PLXNA4: variants seen among roughly 807,000 people sequenced by gnomAD.
PLXNA4 encodes the protein plexin A4.
Under a neutral mutation model 191.8 loss-of-function variants are expected in PLXNA4, and 44 were observed. That is an observed-to-expected ratio of 0.23 (90% CI 0.18 to 0.29). PLXNA4 has a LOEUF of 0.29. PLXNA4 is among the 10% of genes least tolerant of loss of function. The pLI, the probability that PLXNA4 is intolerant of heterozygous loss-of-function variation, is 1.00. For missense variants in PLXNA4, 1,800 were observed against 2,488.8 expected, an observed-to-expected ratio of 0.72 and a Z score of 5.89; for synonymous variants, 1,082 against 1,009.5, an observed-to-expected ratio of 1.07 and a Z score of -1.36.
chr7:132,279,648 A>G (rs1367482871), intron 4 of PLXNA4, among the ~76,000 whole-genome samples: 2 of 152,054 alleles, frequency 1.3e-5, no homozygotes, highest in South Asian at 2.1e-4. Flanking sequence ...GAAGAAAAAA[A>G]AGAGAGAAAA....
chr7:132,272,647 G>C (rs1286618662), intron 4 of PLXNA4, among the ~76,000 whole-genome samples: 4 of 152,102 alleles, frequency 2.6e-5, no homozygotes, highest in Non-Finnish European at 5.9e-5. Flanking sequence ...TACAATTGTT[G>C]CCCAACTCTT....
intron 3 of PLXNA4, among the ~76,000 whole-genome samples, chr7:132,423,312 C>A (rs1319529256): frequency 6.6e-6 from 1 of 152,210 alleles, no homozygotes; most frequent in East Asian, 1.9e-4. Flanking sequence ...CCCAACCTGC[C>A]AAAGCTTACG....
intron 4 of PLXNA4, among the ~76,000 whole-genome samples, chr7:132,259,642 A>G (rs930785196): frequency 6.6e-6 from 1 of 152,034 alleles, no homozygotes; most frequent in South Asian, 2.1e-4. Flanking sequence ...GGGGCGGTCC[A>G]TCCACTACCC....
rs1350364775 is a variant in PLXNA4 at position 132,220,778 on chromosome 7, C to T, written c.2097+2749G>A. ...TTCTTCTAAAGGGATCTCTGCATTG[C>T]CCTGGGACACATGGTGGGCTCTTAT... On this transcript the variant is annotated intron_variant, in intron 9 of 31. Coordinates refer to ENST00000321063, the MANE Select transcript of PLXNA4 (RefSeq NM_020911.2). Among the ~76,000 whole-genome samples the T allele has an allele frequency of 3.3e-5, 5 of 151,222 alleles. No homozygotes were observed. The East Asian group carries it at 9.7e-4, about 29-fold the overall frequency.
At chr7:132,609,492 T>C (rs964274297) in intron 2 of PLXNA4, among the ~76,000 whole-genome samples, 2 of 152,170 alleles carry the variant, frequency 1.3e-5, no homozygotes, top group African/African-American at 4.8e-5. Flanking sequence ...CTTAGTCCCT[T>C]CCACCACCCT....
At chr7:132,342,138 A>G (rs571762506) in intron 3 of PLXNA4, among the ~76,000 whole-genome samples, 7 of 151,690 alleles carry the variant, frequency 4.6e-5, no homozygotes, top group Middle Eastern at 6.8e-3. Flanking sequence ...TCTGTCTCTT[A>G]CTATTCTTCC....
chr7:132,181,522 C>T lies in PLXNA4; in HGVS notation c.3351G>A (p.Glu1117=), dbSNP rs1194852432. 6.2e-7 allele frequency: 1 copy of T among 1,614,194 alleles called. No homozygotes were observed. Among genetic ancestry groups the T allele is most frequent in the South Asian group, 1.1e-5 (1 of 91,076 alleles). The change falls in exon 18 of 32, where the codon GAG becomes GAA. Residue 1117 remains glutamate (E), a synonymous_variant. Coordinates refer to ENST00000321063, the MANE Select transcript of PLXNA4 (RefSeq NM_020911.2). ...HQSDLTERPE[E]FGFILDNVQS... ...GGACGTTGTCCAGGATGAAGCCAAA[C>T]TCCTCGGGCCTCTCGGTCAGGTCTG...
At chr7:132,397,376 G>A (rs564104954) in intron 3 of PLXNA4, among the ~76,000 whole-genome samples, 21 of 152,344 alleles carry the variant, frequency 1.4e-4, no homozygotes, top group Non-Finnish European at 2.5e-4. Context: ...ACTGAGATGC[G>A]TCTTTGATGA....
intron 2 of PLXNA4, among the ~76,000 whole-genome samples, chr7:132,493,166 G>A (rs1363653760): frequency 6.6e-6 from 1 of 152,148 alleles, no homozygotes; most frequent in African/African-American, 2.4e-5. Context: ...CTGGGTGATG[G>A]GGGAAGAGAA....
intron 1 of PLXNA4, among the ~76,000 whole-genome samples, chr7:132,512,770 G>A (rs1798777892): frequency 1.3e-5 from 2 of 152,230 alleles, no homozygotes; most frequent in South Asian, 4.2e-4. Flanking sequence ...GTTTCCAGGG[G>A]GGTTTCCCTT....
intron 18 of PLXNA4, 102 bp from the exon 19 acceptor site, chr7:132,180,834 G>A (rs1796680056): frequency 6.6e-7 from 1 of 1,512,246 alleles, no homozygotes; most frequent in Admixed American, 2.1e-5. Context: ...CCGCTGGTGA[G>A]CTGGTGAAGA....
chr7:132,261,098 T>C (rs950482989), intron 4 of PLXNA4, among the ~76,000 whole-genome samples: 9 of 152,214 alleles, frequency 5.9e-5, no homozygotes, highest in African/African-American at 1.9e-4. Context: ...TATCATTCCT[T>C]TAATGAATAC....
intron 5 of PLXNA4, among the ~76,000 whole-genome samples, chr7:132,235,163 G>T (rs1265632233): frequency 1.3e-5 from 2 of 152,200 alleles, no homozygotes; most frequent in Admixed American, 6.5e-5. Context: ...AGGGGAGGGG[G>T]ACCAGGAGGA....
chr7:132,241,226 C>T, intron 4 of PLXNA4, 60 bp from the exon 5 acceptor site: 1 of 1,165,326 alleles, frequency 8.6e-7, no homozygotes, highest in Non-Finnish European at 1.2e-6. Flanking sequence ...AGCAGTGTAC[C>T]AGAAGAGATG....
chr7:132,396,953 C>G (rs1390963908), intron 3 of PLXNA4, among the ~76,000 whole-genome samples: 1 of 152,226 alleles, frequency 6.6e-6, no homozygotes, highest in Non-Finnish European at 1.5e-5. Flanking sequence ...GGCCCTGCCC[C>G]ACACCTGCCT....
intron 4 of PLXNA4, among the ~76,000 whole-genome samples, chr7:132,273,338 ACACG>A (rs1463015387): frequency 2.0e-5 from 3 of 150,742 alleles, no homozygotes; most frequent in African/African-American, 7.4e-5. Flanking sequence ...ACACACACAC[ACACG>A]CACACACACA....
chr7:132,544,656 C>T (rs948882426), intron 1 of PLXNA4, among the ~76,000 whole-genome samples: 3 of 152,138 alleles, frequency 2.0e-5, no homozygotes, highest in Non-Finnish European at 4.4e-5. Flanking sequence ...GGGTTAACTT[C>T]CCAGGTTTTT....
chr7:132,137,815 A>C (rs1383562878), intron 30 of PLXNA4, among the ~76,000 whole-genome samples: 3 of 151,068 alleles, frequency 2.0e-5, no homozygotes, highest in Non-Finnish European at 4.4e-5. Context: ...GGGAGGATGG[A>C]TGGGAGGACA....
intron 3 of PLXNA4, among the ~76,000 whole-genome samples, chr7:132,463,749 T>A (rs1796600011): frequency 6.6e-6 from 1 of 152,234 alleles, no homozygotes; most frequent in Admixed American, 6.5e-5. Context: ...TGAATCCACA[T>A]GCCCCTGATT....
Sources: allele counts gnomAD v4.1 joint callset (sites outside exome capture counted in the v4.1 genomes callset), GRCh38; gene constraint gnomAD v4.1.1; transcripts MANE v1.5; gene names NCBI Gene and HGNC (gene_info 2026-07-23, HGNC 2026-07-21).